The following HS1BP3 variants were observed in gnomAD, a reference collection of about 807,000 sequenced individuals.
HS1BP3 encodes the protein HCLS1-binding protein 3.
HS1BP3 carries 32 observed loss-of-function variants against 33.5 expected under a neutral mutation model. That is an observed-to-expected ratio of 0.95 (90% CI 0.72 to 1.28). The LOEUF is 1.28. Ranked by LOEUF, HS1BP3 falls within the 50% of genes most tolerant of loss-of-function variation. The pLI, the probability that HS1BP3 is intolerant of heterozygous loss-of-function variation, is 0.00. For synonymous variants in HS1BP3, 187 were observed against 209.2 expected (o/e 0.89, Z 0.92); for missense variants, 486 against 502.3 (o/e 0.97, Z 0.31).
In HS1BP3 at chr2:20,598,852, C is replaced by T. The variant is rs187418919; in HGVS notation, c.179-587G>A. On this transcript the variant is annotated intron_variant, in intron 2 of 3. Transcript: ENST00000415264. ...GGATTACAGGCGTGAGCCACCGCGC[C>T]CGGCCGGTACTTCTTTGAATATATA... Among the ~76,000 whole-genome samples the T allele has an allele frequency of 3.3e-3, 501 of 152,268 alleles. 3 individuals are homozygous for T. The highest frequency in any genetic ancestry group is 0.011 in the African/African-American group (470 of 41,548).
chr2:20,627,732 A>G (rs1694832294), intron 4 of HS1BP3, among the ~76,000 whole-genome samples: 1 of 151,864 alleles, frequency 6.6e-6, no homozygotes, highest in Non-Finnish European at 1.5e-5. Flanking sequence ...TACCTCCCCA[A>G]CTCTCTAGAC....
chr2:20,556,083 C>T (rs1162488617), downstream of HS1BP3, among the ~76,000 whole-genome samples: 4 of 152,172 alleles, frequency 2.6e-5, no homozygotes, highest in Admixed American at 1.3e-4. Context: ...ATCTCACTAC[C>T]CAGAAGAAAC....
At chr2:20,645,559 C>T (rs908012518) in intron 1 of HS1BP3, 54 bp from the exon 2 acceptor site, 29 of 1,543,906 alleles carry the variant, frequency 1.9e-5, no homozygotes, top group Admixed American at 9.2e-5. Context: ...GTAGGCTTCC[C>T]GAGCAAAGTG....
intron 5 of HS1BP3, among the ~76,000 whole-genome samples, chr2:20,565,122 G>A (rs1051690692): frequency 6.6e-6 from 1 of 152,190 alleles, no homozygotes; most frequent in East Asian, 1.9e-4. Flanking sequence ...AACAGTCTCT[G>A]TGGGAAGACA....
chr2:20,605,523 C>T (rs1355370602), intron 2 of HS1BP3, among the ~76,000 whole-genome samples: 1 of 152,142 alleles, frequency 6.6e-6, no homozygotes, highest in Non-Finnish European at 1.5e-5. Flanking sequence ...CAAAGCTGTA[C>T]AACTCTTGTT....
intron 5 of HS1BP3, among the ~76,000 whole-genome samples, chr2:20,571,890 C>T (rs901521476): frequency 2.6e-5 from 4 of 152,218 alleles, no homozygotes; most frequent in African/African-American, 9.7e-5. Context: ...CATGGTCCTG[C>T]CTGCTCTTCT....
At chr2:20,644,088 G>T (rs571024128) in intron 2 of HS1BP3, among the ~76,000 whole-genome samples, 2 of 152,250 alleles carry the variant, frequency 1.3e-5, no homozygotes, top group South Asian at 4.1e-4. Flanking sequence ...GTACTTCGGG[G>T]TCTAGTTCAT....
chr2:20,627,228 A>C (rs1198666091), intron 4 of HS1BP3, among the ~76,000 whole-genome samples: 1 of 152,216 alleles, frequency 6.6e-6, no homozygotes, highest in African/African-American at 2.4e-5. Flanking sequence ...CAGGGAGGGC[A>C]GGTCTGAGGC....
intron 5 of HS1BP3, among the ~76,000 whole-genome samples, chr2:20,564,262 C>T (rs929440134): frequency 3.3e-5 from 5 of 152,186 alleles, no homozygotes; most frequent in Admixed American, 1.3e-4. Context: ...GAGCTCACCA[C>T]CTCTCAGGTG....
chr2:20,613,761 C>T (rs748984382), downstream of HS1BP3, among the ~76,000 whole-genome samples: 8 of 152,206 alleles, frequency 5.3e-5, no homozygotes, highest in Non-Finnish European at 1.2e-4. Flanking sequence ...GGAGTGAAAC[C>T]GACATGGCAC....
chr2:20,616,494 A>G (rs1448054974), downstream of HS1BP3, among the ~76,000 whole-genome samples: 1 of 152,256 alleles, frequency 6.6e-6, no homozygotes, highest in Non-Finnish European at 1.5e-5. Flanking sequence ...CCCCAGGGCC[A>G]GTCCAAGCCT....
At chr2:20,572,464 G>A (rs143942732) in intron 5 of HS1BP3, among the ~76,000 whole-genome samples, 120 of 152,282 alleles carry the variant, frequency 7.9e-4, no homozygotes, top group African/African-American at 2.6e-3. Context: ...GTTATACAGA[G>A]AGACAGCATG....
intron 4 of HS1BP3, among the ~76,000 whole-genome samples, chr2:20,628,663 G>A (rs1022381510): frequency 6.6e-6 from 1 of 151,314 alleles, no homozygotes; most frequent in African/African-American, 2.4e-5. Flanking sequence ...CTGTTCATTA[G>A]CACACAGGGT....
intron 5 of HS1BP3, among the ~76,000 whole-genome samples, chr2:20,571,407 T>C (rs13004279): frequency 0.91 from 138,693 of 152,250 alleles, 63,424 homozygotes; most frequent in East Asian, 1. Flanking sequence ...CAGAGGCCTG[T>C]GAGGCAGCCC....
At chr2:20,555,708 T>G (rs1278342947), downstream of HS1BP3, among the ~76,000 whole-genome samples, 1 of 151,958 alleles carries the variant, frequency 6.6e-6, no homozygotes, top group African/African-American at 2.4e-5. Context: ...TCCCTCTTCC[T>G]TTCTTCCTTC....
chr2:20,618,967 C>T lies in HS1BP3; in HGVS notation c.*20G>A. 1 of 1,605,526 alleles carries T rather than the reference C, an allele frequency of 6.2e-7. No individual in the cohort carries two copies. The highest frequency in any genetic ancestry group is 8.5e-7 in the Non-Finnish European group (1 of 1,174,444). ...GTCCCCACAGACAGGCCTGCTGGGC[C>T]AGGGGCCAGCATGGAAGGGTCAGAA... is the stretch of plus-strand genomic sequence containing the variant. On this transcript the variant is annotated 3_prime_UTR_variant, in exon 7 of 7. Transcript: ENST00000304031.
intron 4 of HS1BP3, among the ~76,000 whole-genome samples, chr2:20,627,754 G>A (rs1694832650): frequency 6.6e-6 from 1 of 152,114 alleles, no homozygotes; most frequent in Admixed American, 6.5e-5. Context: ...CATCTTCAGG[G>A]GAATCAAGGA....
chr2:20,597,202 G>A (rs1417184024), intron 3 of HS1BP3, among the ~76,000 whole-genome samples: 3 of 152,194 alleles, frequency 2.0e-5, no homozygotes, highest in African/African-American at 7.2e-5. Context: ...TTCTCTCTGA[G>A]CCCAGCAGGA....
chr2:20,581,861 A>G (rs1693541551), intron 5 of HS1BP3, among the ~76,000 whole-genome samples: 1 of 152,176 alleles, frequency 6.6e-6, no homozygotes, highest in Non-Finnish European at 1.5e-5. Context: ...TGCTAGTTGT[A>G]GGCCAATTTC....
Sources: gnomAD v4.1 joint callset for allele counts (sites outside exome capture counted in the v4.1 genomes callset) on GRCh38, gnomAD v4.1.1 for gene constraint, MANE v1.5 for transcripts, NCBI Gene and HGNC (gene_info 2026-07-23, HGNC 2026-07-21) for gene names.